IPO5: variants seen among roughly 807,000 people sequenced by gnomAD.
IPO5 encodes the protein importin 5.
A neutral mutation model predicts 143.3 loss-of-function variants in IPO5; 18 were observed. The observed-to-expected ratio is 0.13, with a 90% confidence interval of 0.09 to 0.19. The LOEUF (loss-of-function observed/expected upper bound fraction) is 0.19, where lower values mean the gene tolerates loss of function less well. Ranked by LOEUF, IPO5 falls within the 10% of genes least tolerant of loss-of-function variation. The pLI, the probability that IPO5 is intolerant of heterozygous loss-of-function variation, is 1.00. For missense variants in IPO5, 1,013 were observed against 1,336.9 expected (o/e 0.76, Z 3.78); for synonymous variants, 477 against 465.7 (o/e 1.02, Z -0.31).
chr13:97,981,935 G>A (rs1264145236), intron 4 of IPO5: 1 of 152,616 alleles, frequency 6.6e-6, no homozygotes, highest in Admixed American at 6.5e-5. Flanking sequence ...AAAGCCTCCT[G>A]GCCGAATTTA....
intron 5 of IPO5, among the ~76,000 whole-genome samples, chr13:97,983,067 T>G (rs1202849338): frequency 6.6e-6 from 1 of 152,144 alleles, no homozygotes; most frequent in Non-Finnish European, 1.5e-5. Context: ...GATGGGGTTT[T>G]GCCATGTTGG....
intron 16 of IPO5, among the ~76,000 whole-genome samples, chr13:98,004,772 G>A (rs373539754): frequency 1.6e-4 from 25 of 152,182 alleles, no homozygotes; most frequent in African/African-American, 5.8e-4. Context: ...ATAGTTGAAT[G>A]TGTAACACAA....
intron 21 of IPO5, among the ~76,000 whole-genome samples, chr13:98,012,809 T>TTTTTGTTTTTTTTG (rs1566561237): frequency 6.8e-6 from 1 of 146,580 alleles, no homozygotes; most frequent in East Asian, 2.4e-4. Context: ...TGATTTTTTT[T>TTTTTGTTTTTTTTG]TTTTTTTTTT....
chr13:97,984,976 A>G (rs1332188669), intron 5 of IPO5, among the ~76,000 whole-genome samples: 2 of 152,324 alleles, frequency 1.3e-5, no homozygotes, highest in East Asian at 3.9e-4. Context: ...GAAGCATTTT[A>G]TCTAAGATGC....
At chr13:98,006,988 C>T (rs1281685051) in intron 17 of IPO5, among the ~76,000 whole-genome samples, 1 of 151,186 alleles carries the variant, frequency 6.6e-6, no homozygotes, top group Non-Finnish European at 1.5e-5. Context: ...GCGTCAGCCT[C>T]CCAGGTAGCT....
intron 3 of IPO5, chr13:97,975,985 C>T: frequency 1.0e-6 from 1 of 984,882 alleles, no homozygotes; most frequent in Non-Finnish European, 1.2e-6. Flanking sequence ...AGCGAGAAGT[C>T]CGTGAGTAGA....
chr13:97,968,439 A>G (rs1885533339), intron 2 of IPO5, among the ~76,000 whole-genome samples: 1 of 152,064 alleles, frequency 6.6e-6, no homozygotes, highest in African/African-American at 2.4e-5. Context: ...TTATTGATCT[A>G]TCTAGTTATC....
intron 9 of IPO5, among the ~76,000 whole-genome samples, chr13:97,992,388 G>T (rs117311587): frequency 2.0e-5 from 3 of 152,116 alleles, no homozygotes; most frequent in African/African-American, 7.2e-5. Context: ...CTTACTATGC[G>T]TATGAGAAAA....
chr13:97,954,454 T>C (rs887964533), intron 2 of IPO5, among the ~76,000 whole-genome samples: 2 of 152,240 alleles, frequency 1.3e-5, no homozygotes, highest in African/African-American at 2.4e-5. Context: ...AATCCCAAGA[T>C]GTTCCATTTA....
At chr13:97,977,224 C>T (rs888550744) in intron 4 of IPO5, among the ~76,000 whole-genome samples, 1 of 152,204 alleles carries the variant, frequency 6.6e-6, no homozygotes, top group Non-Finnish European at 1.5e-5. Context: ...CTGGCTGCTA[C>T]CTGACCCGTC....
chr13:97,990,013 G>A (rs1887682408), intron 7 of IPO5, 113 bp from the exon 8 acceptor site: 2 of 667,270 alleles, frequency 3.0e-6, no homozygotes, highest in African/African-American at 1.8e-5. Flanking sequence ...TCAACCTATG[G>A]ATTAATGCGT....
intron 2 of IPO5, among the ~76,000 whole-genome samples, chr13:97,963,663 C>T (rs115360488): frequency 0.014 from 2,093 of 152,214 alleles, 56 homozygotes; most frequent in African/African-American, 0.048. Context: ...CCACTGCACC[C>T]GGCCATTATT....
chr13:98,015,396 A>C (rs145089138), intron 22 of IPO5, 134 bp from the exon 23 acceptor site: 8,945 of 619,108 alleles, frequency 0.014, 93 homozygotes, highest in Middle Eastern at 0.054. Context: ...AACAAATACA[A>C]GCTAAGCATA....
chr13:97,969,871 T>A (rs763103836), intron 3 of IPO5, 41 bp downstream of exon 3: 3 of 1,512,752 alleles, frequency 2.0e-6, no homozygotes, highest in East Asian at 4.6e-5. Context: ...TCCTGTTTTG[T>A]TTTTTTTAAA....
chr13:98,006,866 GTT>G (rs869302123), intron 17 of IPO5, among the ~76,000 whole-genome samples: 10 of 125,044 alleles, frequency 8.0e-5, no homozygotes, highest in Non-Finnish European at 8.6e-5. Flanking sequence ...TTGGTTTGGT[GTT>G]TTTTTTTTTT....
intron 13 of IPO5, 170 bp from the exon 14 acceptor site, chr13:98,002,297 G>C (rs1458819137): frequency 4.1e-6 from 2 of 484,556 alleles, no homozygotes; most frequent in Admixed American, 7.7e-5. Context: ...TTACAGGCGC[G>C]AGCCACCGCG....
intron 5 of IPO5, among the ~76,000 whole-genome samples, chr13:97,983,407 A>G (rs1444090756): frequency 6.6e-6 from 1 of 152,154 alleles, no homozygotes; most frequent in African/African-American, 2.4e-5. Flanking sequence ...TTAGCTAATT[A>G]CCTAGTTCCT....
In IPO5 at chr13:97,990,535, C is replaced by G. The variant is rs1368508026; in HGVS notation, c.667C>G (p.Gln223Glu). The G allele has an allele frequency of 6.5e-7, 1 of 1,544,904 alleles. No homozygotes were observed. Among genetic ancestry groups the G allele is most frequent in the Non-Finnish European group, 8.8e-7 (1 of 1,133,876 alleles). The change falls in exon 9 of 29, where the codon CAG becomes GAG. Residue 223 changes from glutamine (Q) to glutamate (E), a missense_variant and splice_region_variant. By Grantham distance (29) the Gln-to-Glu change is conservative (BLOSUM62 2). This residue lies in a region of IPO5 where 328 missense variants were observed against 342.0 expected (regional missense o/e 0.96). Coordinates refer to ENST00000651721, the MANE Select transcript of IPO5 (RefSeq NM_002271.6). Reference sequence around the variant, plus strand: ...TGCAGACTTGCTACCGGGATTCCTACAGGTATGAAAGCAATATAGAATAAA... The same window carrying G: ...TGCAGACTTGCTACCGGGATTCCTAGAGGTATGAAAGCAATATAGAATAAA... ...HFADLLPGFL[Q>E]AVNDSCYQND...
intron 2 of IPO5, among the ~76,000 whole-genome samples, chr13:97,966,133 C>CCA: frequency 1.1e-5 from 1 of 89,290 alleles, no homozygotes; most frequent in Non-Finnish European, 2.1e-5. Context: ...GGCCCCCTCT[C>CCA]AAAAAAAAAA....
Sources: allele counts gnomAD v4.1 joint callset (sites outside exome capture counted in the v4.1 genomes callset), GRCh38; gene constraint gnomAD v4.1.1; regional missense constraint gnomAD v4.1.1; transcripts MANE v1.5; gene names NCBI Gene and HGNC (gene_info 2026-07-23, HGNC 2026-07-21).